The following ANKRD30A variants were observed in gnomAD, a reference collection of about 807,000 sequenced individuals.
ANKRD30A encodes ankyrin repeat domain-containing protein 30A.
ANKRD30A carries 170 observed loss-of-function variants against 166.3 expected under a neutral mutation model. That is an observed-to-expected ratio of 1.02 (90% CI 0.90 to 1.16). The LOEUF (loss-of-function observed/expected upper bound fraction) is 1.16, where lower values mean the gene tolerates loss of function less well. Ranked by LOEUF, ANKRD30A falls within the 50% of genes most tolerant of loss-of-function variation. ANKRD30A has a pLI of 0.00. For missense variants in ANKRD30A, 1,630 were observed against 1,518.0 expected, an observed-to-expected ratio of 1.07 and a Z score of -1.23; for synonymous variants, 564 against 508.9, an observed-to-expected ratio of 1.11 and a Z score of -1.46.
chr10:37,259,625 G>A, the ANKRD30A span, among the ~76,000 whole-genome samples: 2 of 152,176 alleles, frequency 1.3e-5, no homozygotes, highest in Non-Finnish European at 2.9e-5. Context: ...TGACTAAATT[G>A]TAGTGTATTC....
chr10:37,262,211 G>T, the ANKRD30A span, among the ~76,000 whole-genome samples: 2 of 152,076 alleles, frequency 1.3e-5, no homozygotes, highest in Non-Finnish European at 2.9e-5. Context: ...TCAGAAAGAT[G>T]GTGTCTCCCA....
chr10:37,162,619 G>T, intron 15 of ANKRD30A, 30 bp from the exon 16 acceptor site: 2 of 1,611,516 alleles, frequency 1.2e-6, no homozygotes, highest in Non-Finnish European at 1.7e-6. Context: ...ATTTACATAT[G>T]ATTGATGATA....
chr10:37,227,927 A>G (rs1164055766), intron 34 of ANKRD30A, among the ~76,000 whole-genome samples: 1 of 151,998 alleles, frequency 6.6e-6, no homozygotes, highest in Admixed American at 6.6e-5. Context: ...CTAATTCATC[A>G]TCTTGCAGTT....
intron 31 of ANKRD30A, among the ~76,000 whole-genome samples, chr10:37,202,822 C>G (rs1300575020): frequency 6.6e-6 from 1 of 152,148 alleles, no homozygotes; most frequent in Non-Finnish European, 1.5e-5. Context: ...ACCGATCCCA[C>G]AGAAATACAA....
chr10:37,197,632 G>A (rs1291649549), intron 29 of ANKRD30A, 152 bp downstream of exon 29: 3 of 1,273,400 alleles, frequency 2.4e-6, no homozygotes, highest in East Asian at 2.5e-5. Context: ...TGAAAAGCTG[G>A]TATTACAAGC....
chr10:37,126,597 GTTCT>G (rs1328906630), intron 1 of ANKRD30A, among the ~76,000 whole-genome samples: 2 of 152,202 alleles, frequency 1.3e-5, no homozygotes, highest in African/African-American at 4.8e-5. Context: ...CAGGATGCGA[GTTCT>G]TTATCAGTTT....
chr10:37,210,314 A>G (rs541852269), intron 31 of ANKRD30A, among the ~76,000 whole-genome samples: 1 of 152,274 alleles, frequency 6.6e-6, no homozygotes, highest in Admixed American at 6.5e-5. Flanking sequence ...TTATCACTGC[A>G]TAGTATTTTA....
chr10:37,156,142 A>C (rs1838365792), intron 13 of ANKRD30A, among the ~76,000 whole-genome samples: 1 of 152,062 alleles, frequency 6.6e-6, no homozygotes, highest in Admixed American at 6.6e-5. Flanking sequence ...GACGCTATTC[A>C]TGGTGACTAA....
At chr10:37,260,454 C>G in the ANKRD30A span, among the ~76,000 whole-genome samples, 1 of 152,134 alleles carries the variant, frequency 6.6e-6, no homozygotes, top group Non-Finnish European at 1.5e-5. Context: ...CTTACCTTAC[C>G]CAGCAGCAGG....
chr10:37,150,554 C>T (rs1310005264), intron 11 of ANKRD30A, among the ~76,000 whole-genome samples: 1 of 152,034 alleles, frequency 6.6e-6, no homozygotes, highest in Non-Finnish European at 1.5e-5. Context: ...TGTGCGTGGT[C>T]ATATTTAATA....
At chr10:37,131,543 T>C (rs1350635069) in intron 3 of ANKRD30A, among the ~76,000 whole-genome samples, 1 of 152,124 alleles carries the variant, frequency 6.6e-6, no homozygotes, top group Non-Finnish European at 1.5e-5. Context: ...TAGTGACCCA[T>C]GTAGAACAGG....
intron 1 of ANKRD30A, among the ~76,000 whole-genome samples, chr10:37,127,973 T>C (rs1836153922): frequency 6.6e-6 from 1 of 152,144 alleles, no homozygotes; most frequent in African/African-American, 2.4e-5. Flanking sequence ...AAAATATCAG[T>C]GTATTAAAAA....
chr10:37,141,948 G>C lies in ANKRD30A; in HGVS notation c.1051G>C (p.Glu351Gln), dbSNP rs769759631. 1.9e-6 allele frequency: 3 copies of C among 1,614,054 alleles called. No individual in the cohort carries two copies. The highest frequency in any genetic ancestry group is 4.5e-5 in the East Asian group (2 of 44,884). ...GGAGAAAGCGACATCTGGAAAGTTCGAACAGTCAGCAGAAGAAACACCTAG... is the reference window on the plus strand; with the variant it reads ...GGAGAAAGCGACATCTGGAAAGTTCCAACAGTCAGCAGAAGAAACACCTAG... The part of the protein sequence containing the change: ...CLEKATSGKF[E>Q]QSAEETPREI... The change falls in exon 7 of 36, where the codon GAA becomes CAA. Residue 351 changes from glutamate (E) to glutamine (Q), a missense_variant. Around this residue, in one of 4 missense-constraint regions of ANKRD30A, gnomAD observed 904 missense variants for 818.5 expected, o/e 1.10. Coordinates refer to ENST00000361713, the MANE Select transcript of ANKRD30A (RefSeq NM_052997.3).
chr10:37,161,899 T>C (rs1838915558), intron 15 of ANKRD30A, among the ~76,000 whole-genome samples: 1 of 152,194 alleles, frequency 6.6e-6, no homozygotes, highest in African/African-American at 2.4e-5. Context: ...AATTTATACT[T>C]GAATAATAAG....
chr10:37,151,591 A>G (rs1470023782), intron 11 of ANKRD30A, among the ~76,000 whole-genome samples: 1 of 152,122 alleles, frequency 6.6e-6, no homozygotes, highest in Non-Finnish European at 1.5e-5. Flanking sequence ...GACTAACATC[A>G]AAAAGTTAAT....
intron 29 of ANKRD30A, 50 bp from the exon 30 acceptor site, chr10:37,199,677 T>C (rs1487104614): frequency 8.2e-7 from 1 of 1,214,828 alleles, no homozygotes. Flanking sequence ...TTTTAAAATG[T>C]ATAGTAGAGA....
At chr10:37,235,952 T>C (rs1434617795), downstream of ANKRD30A, among the ~76,000 whole-genome samples, 1 of 151,934 alleles carries the variant, frequency 6.6e-6, no homozygotes, top group Non-Finnish European at 1.5e-5. Flanking sequence ...TTATTTATAG[T>C]AGAGACGGGG....
intron 1 of ANKRD30A, 128 bp downstream of exon 1, chr10:37,126,136 G>A (rs2132497122): frequency 4.0e-6 from 4 of 1,005,488 alleles, no homozygotes; most frequent in East Asian, 2.6e-5. Flanking sequence ...GGGCAGCGGG[G>A]CAGCCATCCT....
chr10:37,156,907 G>A (rs1330236837), intron 13 of ANKRD30A, among the ~76,000 whole-genome samples: 1 of 152,226 alleles, frequency 6.6e-6, no homozygotes, highest in Middle Eastern at 3.4e-3. Flanking sequence ...ATATGGTCAT[G>A]CATATTTAGC....
Sources: gnomAD v4.1 joint callset for allele counts (sites outside exome capture counted in the v4.1 genomes callset) on GRCh38, gnomAD v4.1.1 for gene constraint, gnomAD v4.1.1 regional missense constraint, MANE v1.5 for transcripts, NCBI Gene and HGNC (gene_info 2026-07-23, HGNC 2026-07-21) for gene names.